ENTPD1: variants seen among roughly 807,000 people sequenced by gnomAD.
ENTPD1 encodes the protein ectonucleoside triphosphate diphosphohydrolase 1.
Under a neutral mutation model 57.0 loss-of-function variants are expected in ENTPD1, and 33 were observed. The observed-to-expected ratio is 0.58, with a 90% CI of 0.44 to 0.77. ENTPD1 has a LOEUF of 0.77. Ranked by LOEUF, ENTPD1 falls within the 30% of genes least tolerant of loss-of-function variation. ENTPD1 has a pLI of 0.00. For synonymous variants in ENTPD1, 202 were observed against 218.8 expected, an observed-to-expected ratio of 0.92 and a Z score of 0.68; for missense variants, 501 against 603.4, an observed-to-expected ratio of 0.83 and a Z score of 1.78.
chr10:95,755,633 A>G, upstream of ENTPD1: 1 of 1,487,228 alleles, frequency 6.7e-7, no homozygotes, highest in Non-Finnish European at 9.1e-7. Flanking sequence ...CTCCTGCAGG[A>G]AACTCATCGC....
intron 1 of ENTPD1, among the ~76,000 whole-genome samples, chr10:95,808,773 G>T (rs1198026649): frequency 6.6e-6 from 1 of 151,712 alleles, no homozygotes; most frequent in Admixed American, 6.6e-5. Flanking sequence ...TCTCGGAGAG[G>T]GGGATGTGGC....
At chr10:95,799,993 A>G (rs571524265) in intron 1 of ENTPD1, among the ~76,000 whole-genome samples, 17 of 151,950 alleles carry the variant, frequency 1.1e-4, no homozygotes, top group African/African-American at 2.9e-4. Flanking sequence ...TTTCTTGTAC[A>G]TTTGTTTAAA....
intron 2 of ENTPD1, among the ~76,000 whole-genome samples, chr10:95,839,004 A>T (rs2098416978): frequency 6.6e-6 from 1 of 152,220 alleles, no homozygotes; most frequent in Non-Finnish European, 1.5e-5. Context: ...AAATATATTA[A>T]ATACAATTTT....
intron 1 of ENTPD1, among the ~76,000 whole-genome samples, chr10:95,741,791 G>A (rs1261331911): frequency 6.6e-6 from 1 of 152,194 alleles, no homozygotes; most frequent in Non-Finnish European, 1.5e-5. Context: ...TGAAGGATGA[G>A]CTGAGACAAT....
intron 1 of ENTPD1, among the ~76,000 whole-genome samples, chr10:95,808,387 G>T (rs1042460422): frequency 2.0e-5 from 3 of 152,122 alleles, no homozygotes; most frequent in Non-Finnish European, 4.4e-5. Flanking sequence ...TTCATTTTTT[G>T]TTGCATCTCT....
In ENTPD1 at chr10:95,874,703, T is replaced by C. The variant is rs1366682154; in HGVS notation, c.*8320T>C. 6.6e-6 allele frequency among the ~76,000 whole-genome samples: 1 copy of C among 152,256 alleles called. No individual in the cohort carries two copies. Among genetic ancestry groups the C allele is most frequent in the African/African-American group, 2.4e-5 (1 of 41,470 alleles). The stretch of plus-strand genomic sequence containing the variant: ...ACACTGCCCTAGGAGAGGTTCCCCA[T>C]GAGGGCTCTGCCCCTGCAGCAAACT... On this transcript the variant is annotated 3_prime_UTR_variant, in exon 10 of 10. Transcript: ENST00000371205.
chr10:95,697,322 C>A, the ENTPD1 span, among the ~76,000 whole-genome samples: 2 of 152,104 alleles, frequency 1.3e-5, no homozygotes, highest in East Asian at 3.9e-4. Context: ...GGGAGGCAGT[C>A]CATGTATACT....
chr10:95,736,220 G>A (rs1288861198), intron 1 of ENTPD1, among the ~76,000 whole-genome samples: 1 of 151,540 alleles, frequency 6.6e-6, no homozygotes, highest in Admixed American at 6.6e-5. Flanking sequence ...AGGCTGCTCT[G>A]AAAACTCCTG....
intron 7 of ENTPD1, among the ~76,000 whole-genome samples, chr10:95,849,683 TC>T (rs1362331581): frequency 2.6e-5 from 4 of 152,242 alleles, no homozygotes; most frequent in African/African-American, 9.6e-5. Flanking sequence ...CCCTCAAGGT[TC>T]CTGAGGGAAA....
At chr10:95,825,948 A>AT (rs1366611877) in intron 2 of ENTPD1, among the ~76,000 whole-genome samples, 1 of 152,132 alleles carries the variant, frequency 6.6e-6, no homozygotes, top group African/African-American at 2.4e-5. Flanking sequence ...TTCTTCATTC[A>AT]TTTTTTATAA....
In ENTPD1 at chr10:95,868,781, C is replaced by G. The variant is rs1024062929; in HGVS notation, c.*2398C>G. Reference sequence around the variant, plus strand: ...CAAGTTGGAATTAGACTTCACAAGTCTCCTTCAGAGAACACAAATCTTTTC... The same window carrying G: ...CAAGTTGGAATTAGACTTCACAAGTGTCCTTCAGAGAACACAAATCTTTTC... On this transcript the variant is annotated 3_prime_UTR_variant, in exon 10 of 10. Coordinates refer to ENST00000371205, the MANE Select transcript of ENTPD1 (RefSeq NM_001776.6). The G allele has an allele frequency of 2.0e-5, 20 of 985,260 alleles. No individual in the cohort carries two copies. The highest frequency in any genetic ancestry group is 2.3e-5 in the Non-Finnish European group (19 of 829,940). 61.0% of individuals were successfully genotyped at this position (985,260 alleles called of 1,614,324 possible).
At chr10:95,724,349 C>T (rs1475184626) in intron 1 of ENTPD1, among the ~76,000 whole-genome samples, 9 of 152,132 alleles carry the variant, frequency 5.9e-5, no homozygotes, top group South Asian at 2.1e-4. Context: ...GATGTCCCTT[C>T]GTGGTCACCA....
chr10:95,702,065 A>C, the ENTPD1 span, among the ~76,000 whole-genome samples: 1 of 152,040 alleles, frequency 6.6e-6, no homozygotes, highest in Non-Finnish European at 1.5e-5. Context: ...TAATAGAGGA[A>C]ATTAAAAATT....
chr10:95,796,805 A>G (rs921609936), intron 1 of ENTPD1, among the ~76,000 whole-genome samples: 1 of 152,132 alleles, frequency 6.6e-6, no homozygotes, highest in African/African-American at 2.4e-5. Context: ...TGGCCTGGGC[A>G]TGGTGGCTCA....
At chr10:95,704,922 G>A in the ENTPD1 span, among the ~76,000 whole-genome samples, 1 of 151,580 alleles carries the variant, frequency 6.6e-6, no homozygotes, top group East Asian at 1.9e-4. Flanking sequence ...AGAAGGATGT[G>A]TACCCAGAAT....
At chr10:95,855,242 T>A (rs1428573811) in intron 7 of ENTPD1, among the ~76,000 whole-genome samples, 2 of 151,912 alleles carry the variant, frequency 1.3e-5, no homozygotes, top group African/African-American at 4.8e-5. Context: ...CTGTTTTATC[T>A]GAGACTAGGA....
At chr10:95,715,818 C>A (rs2097970892) in intron 1 of ENTPD1, among the ~76,000 whole-genome samples, 2 of 152,068 alleles carry the variant, frequency 1.3e-5, no homozygotes, top group Non-Finnish European at 2.9e-5. Context: ...GCAGCCACTA[C>A]CATTTCCCTC....
intron 1 of ENTPD1, among the ~76,000 whole-genome samples, chr10:95,758,002 CAAA>C (rs57407553): frequency 7.6e-4 from 20 of 26,408 alleles, no homozygotes; most frequent in South Asian, 2.6e-3. Context: ...GACACTGTCT[CAAA>C]AAAAAAAAAA....
rs541864681 is a variant in ENTPD1, at chr10:95,800,071, G to A, written c.17-23166G>A. On this transcript the variant is annotated intron_variant, in intron 1 of 9. Transcript: ENST00000371205. ...AGTTGCAAAAATTTTCTCCCATTCT[G>A]TAGGTTGTCTGCTTACTCTGTTGAT... Among the ~76,000 whole-genome samples the A allele has an allele frequency of 4.6e-5, 7 of 152,296 alleles. No homozygotes were observed. The East Asian group carries it at 1.3e-3, about 29-fold the overall frequency.
Sources: allele counts gnomAD v4.1 joint callset (sites outside exome capture counted in the v4.1 genomes callset), GRCh38; gene constraint gnomAD v4.1.1; transcripts MANE v1.5; gene names NCBI Gene and HGNC (gene_info 2026-07-23, HGNC 2026-07-21).